CD274: variants seen among roughly 807,000 people sequenced by gnomAD.
CD274 encodes the protein CD274 molecule.
A neutral mutation model predicts 30.1 loss-of-function variants in CD274; 8 were observed. The ratio of observed to expected loss-of-function variants is 0.27; its 90% CI spans 0.16 to 0.48. The LOEUF is 0.48. CD274 is among the 20% of genes least tolerant of loss of function. The probability of loss-of-function intolerance (pLI) is 0.99; values close to 1 mark genes in which losing one functional copy is unlikely to be tolerated. For missense variants in CD274, 353 were observed against 346.6 expected (o/e 1.02, Z -0.15); for synonymous variants, 152 against 124.6 (o/e 1.22, Z -1.46).
Position 5,456,150 on chromosome 9 carries a change from T to A in CD274, c.37T>A (p.Trp13Arg). The stretch of plus-strand genomic sequence containing the variant: ...TGCTGTCTTTATATTCATGACCTAC[T>A]GGCATTTGCTGAACGGTAAGACACC... ...IFAVFIFMTY[W>R]HLLNAFTVTV... Residue 13 changes from tryptophan (W) to arginine (R), a missense_variant, in exon 2 of 7, where the codon TGG becomes AGG. Physicochemically the swap from Trp to Arg is moderately radical, Grantham distance 101 (BLOSUM62 -3). Coordinates refer to ENST00000381577, the MANE Select transcript of CD274 (RefSeq NM_014143.4). 1 of 1,606,900 alleles carries A rather than the reference T, an allele frequency of 6.2e-7. No individual in the cohort carries two copies. Among genetic ancestry groups the A allele is most frequent in the African/African-American group, 1.3e-5 (1 of 74,906 alleles).
chr9:5,457,526 C>G, intron 3 of CD274, 106 bp downstream of exon 3: 1 of 831,144 alleles, frequency 1.2e-6, no homozygotes, highest in Non-Finnish European at 1.9e-6. Flanking sequence ...AACAGAACAG[C>G]ATAGTCTGTT....
intron 3 of CD274, among the ~76,000 whole-genome samples, 173 bp from the exon 4 acceptor site, chr9:5,462,661 T>C (rs1183292851): frequency 1.3e-5 from 2 of 152,328 alleles, no homozygotes; most frequent in South Asian, 4.1e-4. Flanking sequence ...CAACTTTGAA[T>C]TGAATTGAGG....
At chr9:5,457,010 G>T in intron 2 of CD274, 69 bp from the exon 3 acceptor site, 2 of 1,051,170 alleles carry the variant, frequency 1.9e-6, no homozygotes, top group Non-Finnish European at 2.8e-6. Flanking sequence ...ATTTATAAAC[G>T]CTGTGCCAAT....
rs2131233047 is a variant in CD274 at position 5,466,813 on chromosome 9, C to G, written c.834C>G (p.Asn278Lys). 3 of 1,609,170 alleles carry G rather than the reference C, an allele frequency of 1.9e-6. No homozygotes were observed. In the East Asian group the frequency reaches 6.7e-5, roughly 36 times the overall value. ...AAAAATGTGGCATCCAAGATACAAA[C>G]TCAAAGAAGCAAAGTGGTAAGAATA... ...DVKKCGIQDTNSKKQSDTHLE... is the reference protein window; with the variant it reads ...DVKKCGIQDTKSKKQSDTHLE... Residue 278 changes from asparagine to lysine, a missense_variant, in exon 6 of 7, where the codon AAC (asparagine) becomes AAG (lysine). By Grantham distance (94) the Asn-to-Lys change is moderately conservative. Coordinates refer to ENST00000381577, the MANE Select transcript of CD274 (RefSeq NM_014143.4).
chr9:5,463,312 G>A (rs1819440569), intron 4 of CD274, 191 bp downstream of exon 4: 1 of 593,486 alleles, frequency 1.7e-6, no homozygotes, highest in South Asian at 2.0e-5. Context: ...TAAACATTCA[G>A]CAGATATTTA....
At chr9:5,462,766 C>T (rs1819426625) in intron 3 of CD274, 68 bp from the exon 4 acceptor site, 8 of 1,400,574 alleles carry the variant, frequency 5.7e-6, no homozygotes, top group Non-Finnish European at 7.9e-6. Flanking sequence ...CTAATGTGGA[C>T]AGCATCAAGC....
In CD274 at chr9:5,463,147, A is replaced by C. The variant is rs770944813; in HGVS notation, c.682+26A>C. 16 of 1,588,910 alleles carry C rather than the reference A, an allele frequency of 1.0e-5. No individual in the cohort carries two copies. In the East Asian group the frequency reaches 2.9e-4, roughly 29 times the overall value. On this transcript the variant is annotated intron_variant, in intron 4 of 6. Coordinates refer to ENST00000381577, the MANE Select transcript of CD274 (RefSeq NM_014143.4). ...GTAATATTCTGAATGTGTCCATTAA[A>C]ATATGTCTAACACTGTCCCCTAGCA...
In CD274 at chr9:5,460,682, G is replaced by C. The variant is rs545931467; in HGVS notation, c.395-2152G>C. 2.0e-4 allele frequency among the ~76,000 whole-genome samples: 30 copies of C among 152,204 alleles called. No homozygotes were observed. The East Asian group carries it at 5.6e-3, about 28-fold the overall frequency. On this transcript the variant is annotated intron_variant, in intron 3 of 6. Transcript: ENST00000381577. Reference sequence around the variant, plus strand: ...TAACCACTTTTTATTGCCTATATTTGTACCTCTGGTGTACGTATCAAGTTA... The same window carrying C: ...TAACCACTTTTTATTGCCTATATTTCTACCTCTGGTGTACGTATCAAGTTA...
chr9:5,460,053 G>C (rs1230323899), intron 3 of CD274, among the ~76,000 whole-genome samples: 1 of 152,012 alleles, frequency 6.6e-6, no homozygotes, highest in African/African-American at 2.4e-5. Context: ...ATTTGGGCCT[G>C]TTTTATAATA....
At chr9:5,463,288 A>G in intron 4 of CD274, 167 bp downstream of exon 4, 1 of 617,166 alleles carries the variant, frequency 1.6e-6, no homozygotes, top group Non-Finnish European at 2.9e-6. Context: ...CATCCAAACC[A>G]TATTGTTACT....
At chr9:5,459,276 T>C (rs1013033293) in intron 3 of CD274, among the ~76,000 whole-genome samples, 2 of 152,260 alleles carry the variant, frequency 1.3e-5, no homozygotes, top group African/African-American at 4.8e-5. Flanking sequence ...ATTGGCATTC[T>C]ACTCCCAATC....
chr9:5,456,305 C>G, intron 2 of CD274, 140 bp downstream of exon 2: 1 of 578,792 alleles, frequency 1.7e-6, no homozygotes, highest in Non-Finnish European at 3.0e-6. Flanking sequence ...TACACAATGG[C>G]AAAGTCTTCT....
rs1323661579 is a variant in CD274 at position 5,466,801 on chromosome 9, C to G, written c.822C>G (p.Ile274Met). ...GRMMDVKKCG[I>M]QDTNSKKQSD... Reference sequence around the variant, plus strand: ...TGATGGATGTGAAAAAATGTGGCATCCAAGATACAAACTCAAAGAAGCAAA... The same window carrying G: ...TGATGGATGTGAAAAAATGTGGCATGCAAGATACAAACTCAAAGAAGCAAA... Residue 274 changes from isoleucine (I) to methionine (M), a missense_variant, in exon 6 of 7, where the codon ATC becomes ATG. By Grantham distance (10) the Ile-to-Met change is conservative. Coordinates refer to ENST00000381577, the MANE Select transcript of CD274 (RefSeq NM_014143.4). 6.2e-7 allele frequency: 1 copy of G among 1,609,402 alleles called. No individual in the cohort carries two copies. The highest frequency in any genetic ancestry group is 1.1e-5 in the South Asian group (1 of 90,772).
intron 1 of CD274, among the ~76,000 whole-genome samples, chr9:5,452,179 G>C (rs1359056245): frequency 3.3e-5 from 5 of 151,958 alleles, no homozygotes; most frequent in Admixed American, 3.3e-4. Flanking sequence ...ACCACGCCCA[G>C]CTAATTTTTG....
At chr9:5,454,845 C>T (rs1210684720) in intron 1 of CD274, among the ~76,000 whole-genome samples, 1 of 152,140 alleles carries the variant, frequency 6.6e-6, no homozygotes, top group Admixed American at 6.5e-5. Flanking sequence ...TGTGGTCAAG[C>T]TCATAAGTGA....
At chr9:5,465,817 A>G in intron 5 of CD274, 1 of 398,882 alleles carries the variant, frequency 2.5e-6, no homozygotes, top group South Asian at 4.7e-5. Context: ...GGATGGAGGT[A>G]GAAGATGCAG....
chr9:5,467,226 G>GAA (rs1819512481), intron 6 of CD274, among the ~76,000 whole-genome samples: 1 of 145,200 alleles, frequency 6.9e-6, no homozygotes, highest in South Asian at 2.2e-4. Flanking sequence ...GAGAGAGAGA[G>GAA]AAATACTAGA....
chr9:5,466,085 A>G (rs59906468), intron 5 of CD274, among the ~76,000 whole-genome samples: 30,847 of 152,146 alleles, frequency 0.2, 3,450 homozygotes, highest in Middle Eastern at 0.36. Flanking sequence ...GGAACAATTA[A>G]AATCCAGGAA....
At position 5,469,444 on chromosome 9, in the gene CD274, C is replaced by G. The variant is rs1819550401; in HGVS notation, c.*1582C>G. The G allele has an allele frequency of 4.3e-6, 1 of 231,574 alleles. No individual in the cohort carries two copies. Among genetic ancestry groups the G allele is most frequent in the South Asian group, 1.8e-4 (1 of 5,508 alleles). The allele number at this position is 231,574 out of a possible 1,614,324, so 14.3% of individuals were successfully genotyped here. On this transcript the variant is annotated 3_prime_UTR_variant, in exon 7 of 7. Coordinates refer to ENST00000381577, the MANE Select transcript of CD274 (RefSeq NM_014143.4). ...TACTGCCTTTCATTCATATGTTCTT[C>G]TAAAGATAGTCTACATTTGGAAATG...
Sources: allele counts gnomAD v4.1 joint callset (sites outside exome capture counted in the v4.1 genomes callset), GRCh38; gene constraint gnomAD v4.1.1; transcripts MANE v1.5; gene names NCBI Gene and HGNC (gene_info 2026-07-23, HGNC 2026-07-21).